The following EP300 variants were observed in gnomAD, a reference collection of about 807,000 sequenced individuals.
The protein encoded by EP300 is histone acetyltransferase p300.
In EP300, 31 loss-of-function variants were observed where a neutral mutation model predicts 264.0. The observed-to-expected ratio is 0.12, with a 90% CI of 0.09 to 0.16. EP300 has a LOEUF of 0.16. Ranked by LOEUF, EP300 falls within the 10% of genes least tolerant of loss-of-function variation. The pLI is 1.00. For missense variants in EP300, 2,766 were observed against 3,052.9 expected (o/e 0.91, Z 2.21); for synonymous variants, 1,340 against 1,045.4 (o/e 1.28, Z -5.44).
Position 41,154,991 on chromosome 22 carries a change from T to A in EP300, c.3143-4T>A, listed in dbSNP as rs1171722936. The A allele has an allele frequency of 1.9e-6, 3 of 1,597,704 alleles. No homozygotes were observed. Among genetic ancestry groups the A allele is most frequent in the South Asian group, 1.1e-5 (1 of 90,682 alleles). Reference sequence around the variant, plus strand: ...TAATTTCAAATGCACTTTTTTTTTTTAAGTTTTCAAACCAGAAGAACTACG... The same window carrying A: ...TAATTTCAAATGCACTTTTTTTTTTAAAGTTTTCAAACCAGAAGAACTACG... On this transcript the variant is annotated splice_polypyrimidine_tract_variant and splice_region_variant and intron_variant, in intron 16 of 30. Transcript: ENST00000263253.
At chr22:41,166,534 T>C in intron 22 of EP300, 65 bp from the exon 23 acceptor site, 1 of 1,346,118 alleles carries the variant, frequency 7.4e-7, no homozygotes, top group Non-Finnish European at 1.1e-6. Context: ...GAATTTTAAC[T>C]TTTTGTTAGT....
intron 1 of EP300, among the ~76,000 whole-genome samples, chr22:41,098,769 A>C (rs893037807): frequency 1.3e-5 from 2 of 152,194 alleles, no homozygotes; most frequent in Admixed American, 1.3e-4. Context: ...AGACTGCTAG[A>C]GTTCATAGCC....
At chr22:41,155,239 T>TC (rs938667357) in intron 17 of EP300, 126 bp downstream of exon 17, 9 of 818,668 alleles carry the variant, frequency 1.1e-5, no homozygotes, top group African/African-American at 8.7e-5. Flanking sequence ...TTTTTTTTTT[T>TC]CCCCCTGAGA....
At chr22:41,145,787 C>G (rs2059007293) in intron 10 of EP300, among the ~76,000 whole-genome samples, 1 of 152,032 alleles carries the variant, frequency 6.6e-6, no homozygotes, top group African/African-American at 2.4e-5. Flanking sequence ...CAGGCGCCTG[C>G]CACCACGCCC....
chr22:41,149,893 C>G lies in EP300; in HGVS notation c.2512C>G (p.Arg838Gly), dbSNP rs1215000818. 4 of 1,613,900 alleles carry G rather than the reference C, an allele frequency of 2.5e-6. No individual in the cohort carries two copies. The highest frequency in any genetic ancestry group is 2.5e-6 in the Non-Finnish European group (3 of 1,180,012). The change falls in exon 14 of 31, where the codon CGT becomes GGT. Residue 838 changes from arginine (R) to glycine (G), a missense_variant. Transcript: ENST00000263253. ...GAATTCACCCTCGCCTGTACCTAGT[C>G]GTACCCCCACCCCTCACCATACTCC... ...HQNSPSPVPS[R>G]TPTPHHTPPS...
chr22:41,099,890 G>A (rs1249697810), intron 1 of EP300, among the ~76,000 whole-genome samples: 1 of 152,122 alleles, frequency 6.6e-6, no homozygotes, highest in Non-Finnish European at 1.5e-5. Flanking sequence ...TTCACTACCC[G>A]GTCAGGTGAG....
chr22:41,132,496 C>T (rs2058926286), intron 6 of EP300, among the ~76,000 whole-genome samples: 1 of 151,866 alleles, frequency 6.6e-6, no homozygotes. Context: ...ACCATGTTGG[C>T]CATGATGATC....
chr22:41,177,692 C>T lies in EP300; in HGVS notation c.5981C>T (p.Pro1994Leu), dbSNP rs2059210040. 6.2e-7 allele frequency: 1 copy of T among 1,613,774 alleles called. No homozygotes were observed. The highest frequency in any genetic ancestry group is 8.5e-7 in the Non-Finnish European group (1 of 1,180,020). The change falls in exon 31 of 31, where the codon CCC becomes CTC. Residue 1994 changes from proline (P) to leucine (L), a missense_variant. Physicochemically the swap from Pro to Leu is moderately conservative, Grantham distance 98. Transcript: ENST00000263253. ...CCGACAGGGATGCAGCAACAGCCACCCTGGAGCCAAGGAGGATTGCCTCAG... is the reference window on the plus strand; with the variant it reads ...CCGACAGGGATGCAGCAACAGCCACTCTGGAGCCAAGGAGGATTGCCTCAG... Reference protein sequence around the residue: ...MGPTGMQQQPPWSQGGLPQPQ... With the variant: ...MGPTGMQQQPLWSQGGLPQPQ...
At chr22:41,130,611 C>G (rs1029320009) in intron 5 of EP300, among the ~76,000 whole-genome samples, 7 of 152,038 alleles carry the variant, frequency 4.6e-5, no homozygotes, top group Non-Finnish European at 7.4e-5. Flanking sequence ...ACTCTCAATA[C>G]TTATTATTTA....
intron 19 of EP300, 157 bp from the exon 20 acceptor site, chr22:41,160,485 T>A: frequency 1.5e-6 from 1 of 645,226 alleles, no homozygotes; most frequent in South Asian, 1.7e-5. Context: ...GTGGGGCCCA[T>A]ATATCTGCAT....
chr22:41,158,722 G>C (rs1167831820), intron 19 of EP300: 4 of 529,612 alleles, frequency 7.6e-6, no homozygotes, highest in East Asian at 6.6e-5. Flanking sequence ...CCAAGAGCTT[G>C]AGAAGTTAAG....
chr22:41,165,391 A>G (rs569817412), intron 22 of EP300, among the ~76,000 whole-genome samples: 91 of 152,340 alleles, frequency 6.0e-4, no homozygotes, highest in African/African-American at 2.1e-3. Context: ...CACTACAGGA[A>G]TAACACTCTT....
At chr22:41,162,858 A>G in intron 21 of EP300, 79 bp downstream of exon 21, 1 of 1,186,096 alleles carries the variant, frequency 8.4e-7, no homozygotes, top group Non-Finnish European at 1.3e-6. Flanking sequence ...TTGCATGACC[A>G]ATCAGATGAT....
At chr22:41,096,640 CAG>C (rs1402451916) in intron 1 of EP300, among the ~76,000 whole-genome samples, 3 of 113,032 alleles carry the variant, frequency 2.7e-5, no homozygotes, top group Non-Finnish European at 5.1e-5. Context: ...TTTTTTGAGA[CAG>C]AGGTTTGCTC....
chr22:41,096,323 C>G (rs1341654695), intron 1 of EP300, among the ~76,000 whole-genome samples: 1 of 152,138 alleles, frequency 6.6e-6, no homozygotes, highest in African/African-American at 2.4e-5. Context: ...GTCTTCATTA[C>G]TCAGTGAACA....
At chr22:41,159,160 G>C (rs2059094390) in intron 19 of EP300, 1 of 152,742 alleles carries the variant, frequency 6.5e-6, no homozygotes, top group African/African-American at 2.4e-5. Context: ...TTTGTCTCCT[G>C]TTTTCAGTGA....
At position 41,178,855 on chromosome 22, in the gene EP300, A is replaced by T. The variant is rs1569122904; in HGVS notation, c.7144A>T (p.Met2382Leu). 1.2e-6 allele frequency: 2 copies of T among 1,614,206 alleles called. No individual in the cohort carries two copies. Among genetic ancestry groups the T allele is most frequent in the Non-Finnish European group, 1.7e-6 (2 of 1,180,042 alleles). Residue 2382 changes from methionine (M) to leucine (L), a missense_variant, in exon 31 of 31, where the codon ATG (methionine) becomes TTG (leucine). Met to Leu is a conservative substitution (Grantham distance 15). Coordinates refer to ENST00000263253, the MANE Select transcript of EP300 (RefSeq NM_001429.4). ...TTCTCAGCTTGCTAGCAATCCAGGC[A>T]TGGCAAACCTCCATGGTGCAAGCGC... ...MLSQLASNPGMANLHGASATD... is the reference protein window; with the variant it reads ...MLSQLASNPGLANLHGASATD...
At chr22:41,159,512 A>G (rs998876137) in intron 19 of EP300, 5 of 152,210 alleles carry the variant, frequency 3.3e-5, no homozygotes, top group Non-Finnish European at 7.3e-5. Flanking sequence ...GTAACTGGAC[A>G]TGAAACTTTT....
chr22:41,131,073 C>T (rs1453611603), intron 5 of EP300, among the ~76,000 whole-genome samples: 1 of 152,128 alleles, frequency 6.6e-6, no homozygotes, highest in East Asian at 1.9e-4. Context: ...GTAGTGTAGG[C>T]AGAAATGATG....
Sources: gnomAD v4.1 joint callset for allele counts (sites outside exome capture counted in the v4.1 genomes callset) on GRCh38, gnomAD v4.1.1 for gene constraint, MANE v1.5 for transcripts, NCBI Gene and HGNC (gene_info 2026-07-23, HGNC 2026-07-21) for gene names.